Variants in GLMN observed in about 807,000 individuals in gnomAD.
GLMN encodes glomulin, FKBP associated protein, also known as glomulin.
GLMN carries 75 observed loss-of-function variants against 87.8 expected under a neutral mutation model. The observed-to-expected ratio is 0.85, with a 90% CI of 0.71 to 1.04. GLMN has a LOEUF of 1.04. Among genes scored for constraint, GLMN ranks in the 50% least tolerant of loss-of-function variants. The pLI is 0.00. For missense variants in GLMN, 588 were observed against 658.8 expected (o/e 0.89, Z 1.18); for synonymous variants, 206 against 221.6 (o/e 0.93, Z 0.63).
the GLMN span, among the ~76,000 whole-genome samples, chr1:92,332,149 C>T: frequency 3.1e-3 from 469 of 151,574 alleles, 3 homozygotes; most frequent in African/African-American, 0.011. Flanking sequence ...CTCTTAATCT[C>T]CTTTGTGCTT....
At position 92,289,013 on chromosome 1, in the gene GLMN, T is replaced by C; in HGVS notation, c.533A>G (p.Lys178Arg). 12 of 1,612,348 alleles carry C rather than the reference T, an allele frequency of 7.4e-6. No homozygotes were observed. The highest frequency in any genetic ancestry group is 9.3e-6 in the Non-Finnish European group (11 of 1,178,400). The change falls in exon 6 of 19, where the codon AAG becomes AGG. Residue 178 changes from lysine (K) to arginine (R), a missense_variant. Lys to Arg is a conservative substitution (Grantham distance 26). Coordinates refer to ENST00000370360, the MANE Select transcript of GLMN (RefSeq NM_053274.3). ...MDDYGLCQCC[K>R]ALIEFTKPFV... ...AGGCTTAGTGAACTCTATTAAGGCC[T>C]TGCAACACTGACAAAGGCCATAGTC...
the GLMN span, among the ~76,000 whole-genome samples, chr1:92,331,067 T>C: frequency 6.6e-6 from 1 of 152,220 alleles, no homozygotes; most frequent in African/African-American, 2.4e-5. Context: ...TAAAAATCTC[T>C]CACCTTAATT....
chr1:92,333,426 C>T, the GLMN span: 3 of 1,613,506 alleles, frequency 1.9e-6, no homozygotes, highest in African/African-American at 4.0e-5. Context: ...ACTCAAGTTC[C>T]CAGAACCAGA....
At chr1:92,323,620 A>G in the GLMN span, 3 of 1,614,102 alleles carry the variant, frequency 1.9e-6, no homozygotes, top group Admixed American at 5.0e-5. Flanking sequence ...AAACAGACCA[A>G]ATTCAACAAA....
chr1:92,369,277 T>G, the GLMN span, among the ~76,000 whole-genome samples: 1 of 152,140 alleles, frequency 6.6e-6, no homozygotes, highest in East Asian at 1.9e-4. Flanking sequence ...TATTATGGGG[T>G]TTTGCTTGTT....
At chr1:92,303,220 A>G (rs1349457397), upstream of GLMN, among the ~76,000 whole-genome samples, 1 of 152,228 alleles carries the variant, frequency 6.6e-6, no homozygotes, top group East Asian at 1.9e-4. Flanking sequence ...ATGACAATTC[A>G]TATTTTTATT....
chr1:92,252,007 T>C (rs1280051755), intron 16 of GLMN, among the ~76,000 whole-genome samples: 1 of 151,768 alleles, frequency 6.6e-6, no homozygotes. Context: ...CATGTTGGAC[T>C]GGCTGGTCTC....
the GLMN span, among the ~76,000 whole-genome samples, chr1:92,333,675 G>C: frequency 2.0e-5 from 3 of 152,124 alleles, no homozygotes; most frequent in African/African-American, 4.8e-5. Context: ...AGAGGACACA[G>C]AGGCACATCA....
chr1:92,367,929 T>C, the GLMN span, among the ~76,000 whole-genome samples: 1 of 152,216 alleles, frequency 6.6e-6, no homozygotes, highest in Non-Finnish European at 1.5e-5. Flanking sequence ...ATTACTTCTG[T>C]CCAGTTTTGA....
intron 14 of GLMN, 51 bp from the exon 15 acceptor site, chr1:92,263,783 G>T: frequency 1.1e-6 from 1 of 879,902 alleles, no homozygotes; most frequent in Non-Finnish European, 2.0e-6. Context: ...TGTAATTCAT[G>T]TGTTTTTCTA....
intron 18 of GLMN, 85 bp from the exon 19 acceptor site, chr1:92,246,731 T>C (rs1652719254): frequency 3.8e-6 from 3 of 784,748 alleles, no homozygotes; most frequent in Admixed American, 1.8e-5. Context: ...CAGCTGGAGG[T>C]AGCTTAGGAA....
chr1:92,336,799 C>T, the GLMN span, among the ~76,000 whole-genome samples: 1 of 152,062 alleles, frequency 6.6e-6, no homozygotes. Context: ...TAGTGCCACC[C>T]TAAAGGAAGA....
At chr1:92,299,164 T>C, upstream of GLMN, 1 of 1,466,890 alleles carries the variant, frequency 6.8e-7, no homozygotes, top group African/African-American at 1.4e-5. Context: ...CAAGGATCTC[T>C]TCCCACTTTT....
At chr1:92,320,518 G>C in the GLMN span, 71 of 1,103,652 alleles carry the variant, frequency 6.4e-5, no homozygotes, top group African/African-American at 1.0e-3. Context: ...AGATCCGCCT[G>C]CCCAGCCTCC....
chr1:92,269,038 C>T lies in GLMN; in HGVS notation c.977+685G>A, dbSNP rs189383314. On this transcript the variant is annotated intron_variant, in intron 9 of 18. Transcript: ENST00000370360. ...GGCACAGGTGATTCTTTCACCTCAA[C>T]CTCCCAAGTAGCTGGGACAACGGGC... Among the ~76,000 whole-genome samples, 47 of 151,932 alleles carry T rather than the reference C, an allele frequency of 3.1e-4. 1 individual carries two copies. In the East Asian group the frequency reaches 8.7e-3, roughly 28 times the overall value.
chr1:92,323,077 A>T, the GLMN span, among the ~76,000 whole-genome samples: 396 of 145,152 alleles, frequency 2.7e-3, 3 homozygotes, highest in South Asian at 9.5e-3. Flanking sequence ...ATATATATTT[A>T]TATATATATA....
intron 7 of GLMN, among the ~76,000 whole-genome samples, chr1:92,278,088 G>A (rs1056744331): frequency 6.6e-6 from 1 of 152,136 alleles, no homozygotes; most frequent in Non-Finnish European, 1.5e-5. Context: ...ACAACTGCTT[G>A]CTTGCTTGCC....
chr1:92,279,481 G>A (rs1647707483), intron 7 of GLMN, among the ~76,000 whole-genome samples: 1 of 141,154 alleles, frequency 7.1e-6, no homozygotes, highest in African/African-American at 2.6e-5. Context: ...AAAAAAAGGA[G>A]TCACTTCCAA....
chr1:92,297,381 G>A, intron 3 of GLMN, 23 bp downstream of exon 3: 1 of 1,609,256 alleles, frequency 6.2e-7, no homozygotes, highest in Non-Finnish European at 8.5e-7. Flanking sequence ...AGACTGAAAA[G>A]TAAACACCAA....
Sources: allele counts gnomAD v4.1 joint callset (sites outside exome capture counted in the v4.1 genomes callset), GRCh38; gene constraint gnomAD v4.1.1; transcripts MANE v1.5; gene names NCBI Gene and HGNC (gene_info 2026-07-23, HGNC 2026-07-21).